P2RX5: variants seen among roughly 807,000 people sequenced by gnomAD.
P2RX5 encodes the protein P2X purinoceptor 5.
A neutral mutation model predicts 54.1 loss-of-function variants in P2RX5; 46 were observed. The observed-to-expected ratio is 0.85, with a 90% confidence interval of 0.67 to 1.09. The LOEUF is 1.09. Among genes scored for constraint, P2RX5 ranks in the 50% least tolerant of loss-of-function variants. The pLI, the probability that P2RX5 is intolerant of heterozygous loss-of-function variation, is 0.00. For missense variants in P2RX5, 566 were observed against 549.8 expected, an observed-to-expected ratio of 1.03 and a Z score of -0.29; for synonymous variants, 226 against 226.4, an observed-to-expected ratio of 1.00 and a Z score of 0.02.
chr17:3,688,425 C>T (rs1302465426), intron 8 of P2RX5, among the ~76,000 whole-genome samples: 2 of 152,176 alleles, frequency 1.3e-5, no homozygotes, highest in South Asian at 2.1e-4. Context: ...GGCAAGAACA[C>T]GCGCTCTCCT....
At chr17:3,691,160 C>G in intron 2 of P2RX5, 133 bp from the exon 3 acceptor site, 1 of 696,242 alleles carries the variant, frequency 1.4e-6, no homozygotes, top group East Asian at 2.7e-5. Context: ...ACTTGGTATA[C>G]TCTGCCCATC....
Position 3,680,496 on chromosome 17 carries a change from T to C in P2RX5, c.1065-712A>G, listed in dbSNP as rs112279325. Among the ~76,000 whole-genome samples the C allele has an allele frequency of 5.5e-3, 86 of 15,752 alleles. 1 individual carries two copies. Among genetic ancestry groups the C allele is most frequent in the African/African-American group, 0.017 (23 of 1,378 alleles). 10.3% of individuals were successfully genotyped at this position (15,752 alleles called of 152,430 possible). A position where few individuals can be genotyped will look rare whatever the true frequency, so the allele number is the denominator to read the frequency against. The stretch of plus-strand genomic sequence containing the variant: ...CCTCCACCCTGCATCCTCCACCCAG[T>C]GTCCTCCACCCTGCATCCTCCACCC... On this transcript the variant is annotated intron_variant, in intron 10 of 11. Coordinates refer to ENST00000225328, the MANE Select transcript of P2RX5 (RefSeq NM_002561.4).
the P2RX5 span, among the ~76,000 whole-genome samples, chr17:3,708,835 C>T: frequency 4.0e-5 from 6 of 151,292 alleles, no homozygotes; most frequent in African/African-American, 1.5e-4. Flanking sequence ...TGAAAACGGT[C>T]ACAAATGGCA....
upstream of P2RX5, among the ~76,000 whole-genome samples, chr17:3,699,893 GGAAGGAAGGAAGGAAGGAAGGAAGGAAA>G (rs1567744350): frequency 1.8e-4 from 5 of 27,988 alleles, no homozygotes; most frequent in East Asian, 2.0e-3. Flanking sequence ...AAGGAAGGAA[GGAAGGAAGGAAGGAAGGAAGGAAGGAAA>G]GAAAGAAAGA....
chr17:3,719,247 AAAAAAAAAAG>A, the P2RX5 span, among the ~76,000 whole-genome samples: 4 of 144,136 alleles, frequency 2.8e-5, no homozygotes, highest in African/African-American at 1.0e-4. Flanking sequence ...AAAAAAAAAA[AAAAAAAAAAG>A]AAAAGAAAAG....
intron 9 of P2RX5, among the ~76,000 whole-genome samples, chr17:3,683,145 CT>C (rs934604358): frequency 6.6e-6 from 1 of 152,158 alleles, no homozygotes; most frequent in Non-Finnish European, 1.5e-5. Flanking sequence ...GCAATTGCCC[CT>C]CTCCTCCAGC....
At chr17:3,711,370 C>CTTTTTTTTTTTTTTTTTTTTTTTTTTTTT in the P2RX5 span, among the ~76,000 whole-genome samples, 7 of 63,094 alleles carry the variant, frequency 1.1e-4, no homozygotes, top group Admixed American at 2.2e-4. Context: ...AGCACTCATT[C>CTTTTTTTTTTTTTTTTTTTTTTTTTTTTT]TTTTTTTTTT....
the P2RX5 span, chr17:3,723,820 C>G: frequency 1.3e-6 from 2 of 1,570,716 alleles, no homozygotes; most frequent in Non-Finnish European, 1.7e-6. Flanking sequence ...GGCCCCGGCC[C>G]TGGCGAGGTG....
At position 3,696,096 on chromosome 17, in the gene P2RX5, G is replaced by T; in HGVS notation, c.-91C>A. 7.2e-7 allele frequency: 1 copy of T among 1,384,460 alleles called. No homozygotes were observed. Among genetic ancestry groups the T allele is most frequent in the Non-Finnish European group, 9.5e-7 (1 of 1,049,578 alleles). The allele number at this position is 1,384,460 out of a possible 1,614,324, so 85.8% of individuals were successfully genotyped here. ...CTCGGTCCCTGCGCGCCCGGCGCCC[G>T]CCTCGGCCCGTCTGCGCCCGCTCAG... On this transcript the variant is annotated 5_prime_UTR_variant, in exon 1 of 12. Coordinates refer to ENST00000225328, the MANE Select transcript of P2RX5 (RefSeq NM_002561.4).
intron 11 of P2RX5, chr17:3,677,895 T>C (rs971959028): frequency 6.1e-6 from 6 of 985,306 alleles, no homozygotes; most frequent in Non-Finnish European, 7.2e-6. Flanking sequence ...CCTCTGACCA[T>C]TGGGAGGCTC....
the P2RX5 span, among the ~76,000 whole-genome samples, chr17:3,704,555 C>T: frequency 6.6e-6 from 1 of 152,250 alleles, no homozygotes; most frequent in Non-Finnish European, 1.5e-5. Flanking sequence ...CTGTGGGAGG[C>T]ACTTCCGTGC....
At chr17:3,680,244 CGTCCTCCACCCTGCATCCTCCACCCAGT>C in intron 10 of P2RX5, among the ~76,000 whole-genome samples, 1 of 118,930 alleles carries the variant, frequency 8.4e-6, no homozygotes, top group Non-Finnish European at 1.8e-5. Context: ...CTCCACCCAG[CGTCCTCCACCCTGCATCCTCCACCCAGT>C]GTCCTCCACC....
chr17:3,673,532 G>C lies in P2RX5; in HGVS notation c.*336C>G. On this transcript the variant is annotated 3_prime_UTR_variant, in exon 12 of 12. Coordinates refer to ENST00000225328, the MANE Select transcript of P2RX5 (RefSeq NM_002561.4). ...TAATCTAGGAACTCTACAGGGCACTGCGGTCCTTAGCTGAGGTGCTCAAGG... is the reference window on the plus strand; with the variant it reads ...TAATCTAGGAACTCTACAGGGCACTCCGGTCCTTAGCTGAGGTGCTCAAGG... 7.7e-7 allele frequency: 1 copy of C among 1,292,306 alleles called. No homozygotes were observed. Among genetic ancestry groups the C allele is most frequent in the Non-Finnish European group, 9.9e-7 (1 of 1,010,190 alleles). 80.1% of individuals were successfully genotyped at this position (1,292,306 alleles called of 1,614,324 possible). A position where few individuals can be genotyped will look rare whatever the true frequency, so the allele number is the denominator to read the frequency against.
Position 3,681,946 on chromosome 17 carries a change from G to T in P2RX5, c.1014C>A (p.Tyr338Ter). 6.2e-7 allele frequency: 1 copy of T among 1,613,664 alleles called. No individual in the cohort carries two copies. The highest frequency in any genetic ancestry group is 8.5e-7 in the Non-Finnish European group (1 of 1,179,652). ...GGTAAAACTCTCTCTTTTTGATGAG[G>T]TAGATGAGTACCAGGTCGCAGAAGA... ...GAFFCDLVLI[Y>*]LIKKREFYRD... The change falls in exon 10 of 12, where the codon TAC becomes TAA. Residue 338 changes from tyrosine (Y) to a stop codon, truncating the protein, a stop_gained. Transcript: ENST00000225328. LOFTEE classifies it high-confidence loss of function.
chr17:3,709,492 A>C, the P2RX5 span, among the ~76,000 whole-genome samples: 3 of 152,194 alleles, frequency 2.0e-5, no homozygotes, highest in South Asian at 6.2e-4. Flanking sequence ...GAAGTGATTA[A>C]GTTTCCCTAA....
the P2RX5 span, among the ~76,000 whole-genome samples, chr17:3,710,098 A>T: frequency 6.6e-6 from 1 of 151,942 alleles, no homozygotes; most frequent in Non-Finnish European, 1.5e-5. Context: ...TGTATTAGAG[A>T]TGTGCACAGA....
At position 3,695,850 on chromosome 17, in the gene P2RX5, A is replaced by C. The variant is rs1277374152; in HGVS notation, c.137+19T>G. 1.2e-6 allele frequency: 2 copies of C among 1,612,904 alleles called. No homozygotes were observed. Among genetic ancestry groups the C allele is most frequent in the South Asian group, 1.1e-5 (1 of 91,042 alleles). The stretch of plus-strand genomic sequence containing the variant: ...CCCTGCCCCTCCCCCGCCTTCCCAA[A>C]AGTCCGCGGAGAACTTACACGACCA... On this transcript the variant is annotated intron_variant, in intron 1 of 11. Transcript: ENST00000225328.
chr17:3,690,799 T>C (rs2050593353), intron 3 of P2RX5, 119 bp from the exon 4 acceptor site: 1 of 1,192,822 alleles, frequency 8.4e-7, no homozygotes, highest in Non-Finnish European at 1.2e-6. Flanking sequence ...TCTGAGAACC[T>C]ACTTCTCCCC....
At chr17:3,676,095 G>T in intron 11 of P2RX5, 11 of 985,460 alleles carry the variant, frequency 1.1e-5, no homozygotes, top group Non-Finnish European at 1.3e-5. Flanking sequence ...ACAGCACTGG[G>T]ACTGGTTGAG....
Sources: allele counts gnomAD v4.1 joint callset (sites outside exome capture counted in the v4.1 genomes callset), GRCh38; gene constraint gnomAD v4.1.1; transcripts MANE v1.5; gene names NCBI Gene and HGNC (gene_info 2026-07-23, HGNC 2026-07-21).